ITCH: variants seen among roughly 807,000 people sequenced by gnomAD.
The protein encoded by ITCH is itchy E3 ubiquitin protein ligase, also known as E3 ubiquitin-protein ligase Itchy homolog.
A neutral mutation model predicts 126.8 loss-of-function variants in ITCH; 28 were observed. The ratio of observed to expected loss-of-function variants is 0.22; its 90% confidence interval spans 0.16 to 0.30. The LOEUF is 0.30. Ranked by LOEUF, ITCH falls within the 10% of genes least tolerant of loss-of-function variation. ITCH has a pLI of 1.00. For synonymous variants in ITCH, 342 were observed against 340.0 expected, an observed-to-expected ratio of 1.01 and a Z score of -0.06; for missense variants, 631 against 1,032.4, an observed-to-expected ratio of 0.61 and a Z score of 5.33.
At chr20:34,373,631 C>G (rs1023962603) in intron 2 of ITCH, among the ~76,000 whole-genome samples, 14 of 152,090 alleles carry the variant, frequency 9.2e-5, no homozygotes, top group African/African-American at 3.4e-4. Context: ...GGTGAAAAAG[C>G]AATCTCTGCC....
chr20:34,442,116 A>G lies in ITCH; in HGVS notation c.870-92A>G, dbSNP rs201472236. On this transcript the variant is annotated intron_variant, in intron 9 of 24. Coordinates refer to ENST00000374864, the MANE Select transcript of ITCH (RefSeq NM_031483.7). ...TGATGTCCTTATTTGCCTTAGTTCA[A>G]TAATGGTCATTTAATGGAAATGCAA... The G allele has an allele frequency of 4.4e-5, 39 of 880,016 alleles. No homozygotes were observed. The East Asian group carries it at 6.3e-4, about 14-fold the overall frequency. 54.5% of individuals were successfully genotyped at this position (880,016 alleles called of 1,614,324 possible).
intron 3 of ITCH, among the ~76,000 whole-genome samples, chr20:34,399,566 C>T (rs984606631): frequency 6.6e-6 from 1 of 151,854 alleles, no homozygotes; most frequent in Non-Finnish European, 1.5e-5. Flanking sequence ...GTTGGCCGGG[C>T]ATGGTGGCTC....
intron 9 of ITCH, 189 bp from the exon 10 acceptor site, chr20:34,442,019 C>G: frequency 1.6e-6 from 1 of 615,476 alleles, no homozygotes; most frequent in Non-Finnish European, 2.9e-6. Flanking sequence ...ATTGAATTCA[C>G]TGTGTGCCAC....
intron 20 of ITCH, among the ~76,000 whole-genome samples, chr20:34,481,530 T>C (rs1293832072): frequency 6.6e-6 from 1 of 152,168 alleles, no homozygotes; most frequent in African/African-American, 2.4e-5. Context: ...TAATCCACTT[T>C]CCTGCTGCTG....
At chr20:34,374,251 A>T (rs543465589) in intron 2 of ITCH, among the ~76,000 whole-genome samples, 2 of 152,330 alleles carry the variant, frequency 1.3e-5, no homozygotes, top group East Asian at 3.9e-4. Context: ...CAAATAATCA[A>T]ATTTAGTTGG....
chr20:34,431,762 G>A (rs1201259140), intron 7 of ITCH, among the ~76,000 whole-genome samples: 10 of 151,966 alleles, frequency 6.6e-5, no homozygotes, highest in Admixed American at 2.6e-4. Context: ...ACATTTGGCC[G>A]GTGGCGGTGG....
chr20:34,432,929 G>A (rs147263853), intron 7 of ITCH, among the ~76,000 whole-genome samples: 6 of 151,940 alleles, frequency 3.9e-5, no homozygotes, highest in African/African-American at 1.4e-4. Context: ...TGCGTTCCAG[G>A]CTGGGTGACA....
chr20:34,444,965 G>C (rs1984256673), intron 10 of ITCH, among the ~76,000 whole-genome samples: 1 of 152,100 alleles, frequency 6.6e-6, no homozygotes, highest in Admixed American at 6.6e-5. Context: ...TTTGATATCT[G>C]TCCAAAGCTA....
chr20:34,474,013 T>A (rs1054834768), intron 16 of ITCH, among the ~76,000 whole-genome samples: 1 of 152,162 alleles, frequency 6.6e-6, no homozygotes, highest in Non-Finnish European at 1.5e-5. Context: ...TAACCTATCT[T>A]CTAGGTAAAC....
At chr20:34,448,492 C>T (rs1047664762) in intron 11 of ITCH, among the ~76,000 whole-genome samples, 2 of 151,732 alleles carry the variant, frequency 1.3e-5, no homozygotes, top group Non-Finnish European at 2.9e-5. Flanking sequence ...CAACAAAGAA[C>T]AGGAGAAAAG....
chr20:34,424,509 T>G lies in ITCH; in HGVS notation c.505T>G (p.Ser169Ala). The change falls in exon 7 of 25, where the codon TCC becomes GCC. Residue 169 changes from serine (S) to alanine (A), a missense_variant. Coordinates refer to ENST00000374864, the MANE Select transcript of ITCH (RefSeq NM_031483.7). ...SASQNDDGSR[S>A]KDETRVSTNG... is the part of the protein sequence containing the mutation. Reference sequence around the variant, plus strand: ...TTCTCAGAATGATGATGGCTCCAGATCCAAGGATGAAACAAGGTAAGCATT... The same window carrying G: ...TTCTCAGAATGATGATGGCTCCAGAGCCAAGGATGAAACAAGGTAAGCATT... 2 of 1,613,486 alleles carry G rather than the reference T, an allele frequency of 1.2e-6. No homozygotes were observed. The highest frequency in any genetic ancestry group is 8.5e-7 in the Non-Finnish European group (1 of 1,179,472).
chr20:34,474,548 C>T (rs1217451481), intron 16 of ITCH, among the ~76,000 whole-genome samples: 2 of 152,242 alleles, frequency 1.3e-5, no homozygotes, highest in Admixed American at 6.5e-5. Flanking sequence ...AATGAAAAGT[C>T]TCCCATGTAT....
chr20:34,445,259 TG>T (rs758173684), intron 10 of ITCH, 27 bp from the exon 11 acceptor site: 34 of 1,485,428 alleles, frequency 2.3e-5, no homozygotes, highest in South Asian at 3.5e-5. Flanking sequence ...TGAATTAGCT[TG>T]TTTTTTTTTT....
At chr20:34,461,277 G>T (rs1986475207) in intron 13 of ITCH, among the ~76,000 whole-genome samples, 1 of 152,166 alleles carries the variant, frequency 6.6e-6, no homozygotes, top group African/African-American at 2.4e-5. Context: ...GGTAATGGTG[G>T]AACAGTGATA....
At chr20:34,429,186 A>AC (rs1180609592) in intron 7 of ITCH, among the ~76,000 whole-genome samples, 1 of 151,974 alleles carries the variant, frequency 6.6e-6, no homozygotes, top group Non-Finnish European at 1.5e-5. Context: ...TGATCTGCCC[A>AC]CCTCGGACCT....
chr20:34,364,689 A>G (rs56049597), intron 1 of ITCH, among the ~76,000 whole-genome samples: 72,195 of 133,100 alleles, frequency 0.54, 19,902 homozygotes, highest in African/African-American at 0.64. Flanking sequence ...GACCATCCTG[A>G]CCAACATGGT....
intron 3 of ITCH, among the ~76,000 whole-genome samples, chr20:34,398,921 A>G (rs1445917789): frequency 2.0e-5 from 3 of 152,186 alleles, no homozygotes; most frequent in African/African-American, 7.2e-5. Context: ...TTCATAATTC[A>G]TTGAGTTACT....
chr20:34,368,345 T>C (rs1360952216), intron 1 of ITCH, among the ~76,000 whole-genome samples: 2 of 152,106 alleles, frequency 1.3e-5, no homozygotes, highest in African/African-American at 4.8e-5. Context: ...GCCACTTTCT[T>C]TCTTGTTGCC....
At chr20:34,507,516 A>ATTTACAAATT (rs955253592) in intron 24 of ITCH, among the ~76,000 whole-genome samples, 179 bp from the exon 25 acceptor site, 2 of 151,788 alleles carry the variant, frequency 1.3e-5, no homozygotes, top group African/African-American at 4.8e-5. Context: ...CCTTTATCAG[A>ATTTACAAATT]TATATGATTT....
Sources: allele counts gnomAD v4.1 joint callset (sites outside exome capture counted in the v4.1 genomes callset), GRCh38; gene constraint gnomAD v4.1.1; transcripts MANE v1.5; gene names NCBI Gene and HGNC (gene_info 2026-07-23, HGNC 2026-07-21).